The following ZMYND8 variants were observed in gnomAD, a reference collection of about 807,000 sequenced individuals.
The protein encoded by ZMYND8 is MYND-type zinc finger-containing chromatin reader ZMYND8.
Under a neutral mutation model 140.8 loss-of-function variants are expected in ZMYND8, and 37 were observed. That is an observed-to-expected ratio of 0.26 (90% CI 0.20 to 0.35). The LOEUF (loss-of-function observed/expected upper bound fraction) is 0.35. Among genes scored for constraint, ZMYND8 ranks in the 10% least tolerant of loss-of-function variants. ZMYND8 has a pLI of 1.00. For synonymous variants in ZMYND8, 592 were observed against 597.1 expected, an observed-to-expected ratio of 0.99 and a Z score of 0.12; for missense variants, 1,068 against 1,570.0, an observed-to-expected ratio of 0.68 and a Z score of 5.40.
In ZMYND8 at chr20:47,290,053, A is replaced by G. The variant is rs548223440; in HGVS notation, c.748+134T>C. 6.1e-5 allele frequency: 48 copies of G among 781,162 alleles called. No individual in the cohort carries two copies. In the African/African-American group the frequency reaches 8.1e-4, roughly 13 times the overall value. The allele number at this position is 781,162 out of a possible 1,614,324, so 48.4% of individuals were successfully genotyped here. The stretch of plus-strand genomic sequence containing the variant: ...AAAATGAACTTGGTCACTGCCTCCT[A>G]TTCACATATATTAGCACAATCTATA... On this transcript the variant is annotated intron_variant, in intron 7 of 22. Transcript: ENST00000471951.
At chr20:47,266,773 G>A (rs1232764057) in intron 11 of ZMYND8, among the ~76,000 whole-genome samples, 1 of 152,096 alleles carries the variant, frequency 6.6e-6, no homozygotes, top group Non-Finnish European at 1.5e-5. Context: ...TTTAGGGGGT[G>A]AAAAAATCTT....
At chr20:47,275,282 A>C (rs760211531) in intron 11 of ZMYND8, among the ~76,000 whole-genome samples, 3 of 152,208 alleles carry the variant, frequency 2.0e-5, no homozygotes, top group African/African-American at 4.8e-5. Context: ...ACTTGAAGTC[A>C]GGAGTTCGAG....
At chr20:47,324,798 T>C (rs957596060) in intron 2 of ZMYND8, among the ~76,000 whole-genome samples, 5 of 152,224 alleles carry the variant, frequency 3.3e-5, no homozygotes, top group Non-Finnish European at 7.3e-5. Flanking sequence ...CTCACTGCCC[T>C]AGAGAGGCCT....
intron 2 of ZMYND8, among the ~76,000 whole-genome samples, chr20:47,324,149 CCGAGATCATG>C (rs1447345595): frequency 2.0e-5 from 3 of 149,262 alleles, no homozygotes; most frequent in Non-Finnish European, 4.4e-5. Flanking sequence ...TTGCCATAAG[CCGAGATCATG>C]CCATTGCACT....
intron 3 of ZMYND8, among the ~76,000 whole-genome samples, chr20:47,300,958 G>C (rs1461727574): frequency 6.6e-6 from 1 of 150,882 alleles, no homozygotes; most frequent in Non-Finnish European, 1.5e-5. Flanking sequence ...TTTTTGTAGA[G>C]ACAGGGTTTC....
At chr20:47,231,469 G>A (rs901022828) in intron 16 of ZMYND8, among the ~76,000 whole-genome samples, 3 of 152,164 alleles carry the variant, frequency 2.0e-5, no homozygotes, top group Non-Finnish European at 2.9e-5. Flanking sequence ...AAAAAACCAC[G>A]CAAACACTGC....
At chr20:47,249,253 C>T (rs2073974769) in intron 13 of ZMYND8, 34 bp downstream of exon 13, 9 of 1,603,868 alleles carry the variant, frequency 5.6e-6, no homozygotes, top group Non-Finnish European at 7.7e-6. Flanking sequence ...AACAATGATA[C>T]TGCTGGAAAA....
chr20:47,264,973 A>C (rs1368006548), intron 11 of ZMYND8, among the ~76,000 whole-genome samples: 1 of 151,730 alleles, frequency 6.6e-6, no homozygotes, highest in African/African-American at 2.4e-5. Flanking sequence ...GGAGGTCAAG[A>C]CTGCAGTGAA....
intron 16 of ZMYND8, among the ~76,000 whole-genome samples, chr20:47,232,490 G>A (rs113576992): frequency 1.1e-3 from 169 of 152,078 alleles, no homozygotes; most frequent in African/African-American, 3.7e-3. Flanking sequence ...ACCCAGGAGT[G>A]GCCAGCCTGG....
chr20:47,326,171 G>A lies in ZMYND8; in HGVS notation c.86-15967C>T, dbSNP rs192483580. 2.1e-4 allele frequency among the ~76,000 whole-genome samples: 32 copies of A among 152,304 alleles called. No individual in the cohort carries two copies. The East Asian group carries it at 6.0e-3, about 28-fold the overall frequency. On this transcript the variant is annotated intron_variant, in intron 2 of 22. Coordinates refer to ENST00000471951, the MANE Select transcript of ZMYND8 (RefSeq NM_001281775.3). Reference sequence around the variant, plus strand: ...GACAGGGTTTCACCATGTTGGCCAGGCTGGTCTTGAACTCCTGACCTCGTG... The same window carrying A: ...GACAGGGTTTCACCATGTTGGCCAGACTGGTCTTGAACTCCTGACCTCGTG...
intron 12 of ZMYND8, among the ~76,000 whole-genome samples, chr20:47,250,195 G>A (rs745422613): frequency 1.2e-4 from 19 of 152,158 alleles, no homozygotes; most frequent in Admixed American, 6.5e-5. Context: ...TCACTTCTTC[G>A]AGGGCTCTTT....
At chr20:47,222,756 T>TA (rs2037167295) in intron 19 of ZMYND8, among the ~76,000 whole-genome samples, 1 of 152,184 alleles carries the variant, frequency 6.6e-6, no homozygotes, top group Admixed American at 6.5e-5. Context: ...CCCTAAAGAC[T>TA]AAAGAACAGG....
At chr20:47,241,512 G>C (rs2039968168) in intron 14 of ZMYND8, among the ~76,000 whole-genome samples, 1 of 152,072 alleles carries the variant, frequency 6.6e-6, no homozygotes, top group South Asian at 2.1e-4. Flanking sequence ...CATCAGCCAA[G>C]ATATGTCTAG....
chr20:47,311,337 C>T (rs1198177305), intron 2 of ZMYND8, among the ~76,000 whole-genome samples: 1 of 152,148 alleles, frequency 6.6e-6, no homozygotes, highest in East Asian at 1.9e-4. Flanking sequence ...CAGCCAGGCA[C>T]GGTGGCTCAC....
chr20:47,318,532 TG>T (rs2079601896), intron 2 of ZMYND8: 3 of 358,562 alleles, frequency 8.4e-6, no homozygotes, highest in African/African-American at 2.1e-5. Context: ...GAGCAAAGGT[TG>T]GGGGTGGGGA....
At chr20:47,346,730 CT>C (rs1455246525) in intron 2 of ZMYND8, among the ~76,000 whole-genome samples, 1 of 152,184 alleles carries the variant, frequency 6.6e-6, no homozygotes, top group African/African-American at 2.4e-5. Flanking sequence ...CCTCAACCTC[CT>C]AAGTAGCTAG....
chr20:47,291,760 G>A, intron 6 of ZMYND8, 36 bp downstream of exon 6: 1 of 1,568,020 alleles, frequency 6.4e-7, no homozygotes, highest in East Asian at 2.3e-5. Flanking sequence ...TCTCAACTGT[G>A]GGCTAGAATG....
intron 3 of ZMYND8, among the ~76,000 whole-genome samples, chr20:47,303,063 C>T (rs528743243): frequency 6.6e-6 from 1 of 152,104 alleles, no homozygotes; most frequent in African/African-American, 2.4e-5. Context: ...CTTTGCCCAA[C>T]GTCCCTTGGA....
chr20:47,219,054 A>ATTTTTTTT (rs2036539916), intron 21 of ZMYND8, among the ~76,000 whole-genome samples: 1 of 88,962 alleles, frequency 1.1e-5, no homozygotes, highest in Non-Finnish European at 2.5e-5. Context: ...CCGTTTCTAC[A>ATTTTTTTT]ATTTTTTTTT....
Sources: gnomAD v4.1 joint callset for allele counts (sites outside exome capture counted in the v4.1 genomes callset) on GRCh38, gnomAD v4.1.1 for gene constraint, MANE v1.5 for transcripts, NCBI Gene and HGNC (gene_info 2026-07-23, HGNC 2026-07-21) for gene names.